The following DSCAM variants were observed in gnomAD, a reference collection of about 807,000 sequenced individuals.
DSCAM encodes the protein DS cell adhesion molecule.
Under a neutral mutation model 217.7 loss-of-function variants are expected in DSCAM, and 47 were observed. The ratio of observed to expected loss-of-function variants is 0.22; its 90% CI spans 0.17 to 0.28. DSCAM has a LOEUF of 0.28. DSCAM is among the 10% of genes least tolerant of loss of function. DSCAM has a pLI of 1.00. For missense variants in DSCAM, 2,080 were observed against 2,618.3 expected, an observed-to-expected ratio of 0.79 and a Z score of 4.49; for synonymous variants, 1,056 against 1,015.3, an observed-to-expected ratio of 1.04 and a Z score of -0.76.
chr21:40,735,821 A>T (rs977238258), intron 1 of DSCAM, among the ~76,000 whole-genome samples: 5 of 152,182 alleles, frequency 3.3e-5, no homozygotes, highest in African/African-American at 1.2e-4. Flanking sequence ...TCTCACACCA[A>T]CCAATTCTCT....
At chr21:40,690,812 G>A (rs77669459) in intron 3 of DSCAM, among the ~76,000 whole-genome samples, 2 of 152,316 alleles carry the variant, frequency 1.3e-5, no homozygotes, top group African/African-American at 4.8e-5. Flanking sequence ...CACGTATTAT[G>A]CATAACCAAA....
intron 30 of DSCAM, among the ~76,000 whole-genome samples, chr21:40,050,654 CTTATT>C (rs758171732): frequency 2.0e-5 from 3 of 152,032 alleles, no homozygotes; most frequent in Non-Finnish European, 4.4e-5. Flanking sequence ...GCTAATTTTT[CTTATT>C]TTTAGTAGAG....
rs1254168416 is a variant in DSCAM, at chr21:40,013,331, A to G, written c.5742T>C (p.Gly1914=). Residue 1914 remains glycine (G), a synonymous_variant, in exon 33 of 33, where the codon GGT becomes GGC. Coordinates refer to ENST00000400454, the MANE Select transcript of DSCAM (RefSeq NM_001389.5). Reference sequence around the variant, plus strand: ...TCAGGTCCCTGCTGGTGCCTGGACCACCTCGGTTTAACAAAAAGTCCATTC... The same window carrying G: ...TCAGGTCCCTGCTGGTGCCTGGACCGCCTCGGTTTAACAAAAAGTCCATTC... ...YLRMDFLLNR[G]GPGTSRDLSL... is the part of the protein sequence containing the mutation. 8 of 1,605,278 alleles carry G rather than the reference A, an allele frequency of 5.0e-6. No homozygotes were observed. The highest frequency in any genetic ancestry group is 6.8e-6 in the Non-Finnish European group (8 of 1,176,506).
intron 3 of DSCAM, among the ~76,000 whole-genome samples, chr21:40,678,097 T>G (rs1472594497): frequency 6.6e-6 from 1 of 152,224 alleles, no homozygotes; most frequent in East Asian, 1.9e-4. Flanking sequence ...TATAAGTTTA[T>G]TTCAAAATGA....
At chr21:40,017,629 C>T (rs1037654984) in intron 32 of DSCAM, among the ~76,000 whole-genome samples, 4 of 151,798 alleles carry the variant, frequency 2.6e-5, no homozygotes, top group Middle Eastern at 3.4e-3. Context: ...CTCGGTTCGC[C>T]ACAACCTCCA....
chr21:40,054,119 C>T (rs1366787749), intron 29 of DSCAM, among the ~76,000 whole-genome samples: 1 of 152,122 alleles, frequency 6.6e-6, no homozygotes, highest in African/African-American at 2.4e-5. Flanking sequence ...AGTTTTAATG[C>T]CCAATCTACT....
chr21:40,575,492 G>A (rs1160762777), intron 3 of DSCAM, among the ~76,000 whole-genome samples: 2 of 152,040 alleles, frequency 1.3e-5, no homozygotes, highest in African/African-American at 4.8e-5. Context: ...ACACATATAC[G>A]GCTCTTTTTA....
intron 18 of DSCAM, among the ~76,000 whole-genome samples, chr21:40,135,528 C>G (rs897582553): frequency 6.6e-6 from 1 of 152,216 alleles, no homozygotes; most frequent in African/African-American, 2.4e-5. Flanking sequence ...CTCAGTCGCT[C>G]TGGGAAAAAG....
intron 3 of DSCAM, among the ~76,000 whole-genome samples, chr21:40,610,186 C>T (rs1048246071): frequency 6.6e-6 from 1 of 152,172 alleles, no homozygotes; most frequent in African/African-American, 2.4e-5. Context: ...AGACAATATC[C>T]ACTCTTTACT....
chr21:40,220,993 T>C (rs559909866), intron 11 of DSCAM, among the ~76,000 whole-genome samples: 2 of 152,312 alleles, frequency 1.3e-5, no homozygotes, highest in East Asian at 3.9e-4. Context: ...CTTTGTATTA[T>C]CTCCATTTCA....
intron 14 of DSCAM, among the ~76,000 whole-genome samples, chr21:40,183,328 C>G (rs1409064882): frequency 6.6e-6 from 1 of 152,158 alleles, no homozygotes; most frequent in African/African-American, 2.4e-5. Flanking sequence ...CCCTGGGAAT[C>G]AGAAAATATG....
At chr21:40,406,772 T>C (rs2075282838) in intron 3 of DSCAM, among the ~76,000 whole-genome samples, 1 of 152,082 alleles carries the variant, frequency 6.6e-6, no homozygotes, top group East Asian at 1.9e-4. Flanking sequence ...GTGTTTTTTG[T>C]TCTTCTTCTT....
chr21:40,289,846 C>T (rs2073869511), intron 10 of DSCAM, among the ~76,000 whole-genome samples: 1 of 152,000 alleles, frequency 6.6e-6, no homozygotes, highest in Non-Finnish European at 1.5e-5. Flanking sequence ...AAGAAAAAAA[C>T]AGAACAAGAA....
chr21:40,421,181 G>C (rs1327280484), intron 3 of DSCAM, among the ~76,000 whole-genome samples: 2 of 152,144 alleles, frequency 1.3e-5, no homozygotes, highest in African/African-American at 4.8e-5. Context: ...ATGGAGAGGA[G>C]CTGGTATCAC....
chr21:40,239,393 A>G (rs181009901), intron 11 of DSCAM, among the ~76,000 whole-genome samples: 1 of 152,298 alleles, frequency 6.6e-6, no homozygotes, highest in East Asian at 1.9e-4. Flanking sequence ...TGTATATGCT[A>G]TTTTTGGATA....
Position 40,189,257 on chromosome 21 carries a change from C to T in DSCAM, c.2357-19G>A. 1 of 1,539,494 alleles carries T rather than the reference C, an allele frequency of 6.5e-7. No individual in the cohort carries two copies. The highest frequency in any genetic ancestry group is 8.7e-7 in the Non-Finnish European group (1 of 1,144,426). ...GCAGGAACTGAAAAAGCAAAAGGGA[C>T]ACAACTTGTTCAGCAAAGCAGGGTT... On this transcript the variant is annotated intron_variant, in intron 11 of 32. Coordinates refer to ENST00000400454, the MANE Select transcript of DSCAM (RefSeq NM_001389.5).
chr21:40,188,360 C>A (rs933750193), intron 12 of DSCAM, among the ~76,000 whole-genome samples: 1 of 152,036 alleles, frequency 6.6e-6, no homozygotes, highest in Non-Finnish European at 1.5e-5. Context: ...TCCAAAGCAA[C>A]CATGCCTAAA....
chr21:40,277,828 C>T lies in DSCAM; in HGVS notation c.2183-1558G>A, dbSNP rs543080173. Among the ~76,000 whole-genome samples the T allele has an allele frequency of 1.4e-4, 20 of 144,198 alleles. No individual in the cohort carries two copies. In the South Asian group the frequency reaches 2.6e-3, roughly 19 times the overall value. 94.6% of individuals were successfully genotyped at this position (144,198 alleles called of 152,430 possible). A position where few individuals can be genotyped will look rare whatever the true frequency, so the allele number is the denominator to read the frequency against. ...AGGATGCAATGAGCTGAGATCACGG[C>T]GCTGCACTCCAGCCTGGGCGACAGA... On this transcript the variant is annotated intron_variant, in intron 10 of 32. Transcript: ENST00000400454.
chr21:40,247,223 T>C (rs943092517), intron 11 of DSCAM, among the ~76,000 whole-genome samples: 2 of 152,128 alleles, frequency 1.3e-5, no homozygotes. Context: ...AACCATATCA[T>C]TCTACCCTTG....
Sources: allele counts gnomAD v4.1 joint callset (sites outside exome capture counted in the v4.1 genomes callset), GRCh38; gene constraint gnomAD v4.1.1; transcripts MANE v1.5; gene names NCBI Gene and HGNC (gene_info 2026-07-23, HGNC 2026-07-21).